USH1C: variants seen among roughly 807,000 people sequenced by gnomAD.
USH1C encodes USH1 protein network component harmonin, also known as harmonin.
USH1C carries 90 observed loss-of-function variants against 119.3 expected under a neutral mutation model. The observed-to-expected ratio is 0.75, with a 90% CI of 0.64 to 0.90. The LOEUF is 0.90. USH1C is among the 40% of genes least tolerant of loss of function. The probability of loss-of-function intolerance (pLI) is 0.00; values close to 1 mark genes in which losing one functional copy is unlikely to be tolerated. For missense variants in USH1C, 1,165 were observed against 1,167.7 expected (o/e 1.00, Z 0.03); for synonymous variants, 465 against 443.3 (o/e 1.05, Z -0.62).
intron 22 of USH1C, 134 bp downstream of exon 22, chr11:17,501,348 G>C (rs1450093618): frequency 8.6e-7 from 1 of 1,165,458 alleles, no homozygotes; most frequent in Non-Finnish European, 1.2e-6. Flanking sequence ...GGGCGTCTCC[G>C]TGGGAGAGGG....
intron 9 of USH1C, 23 bp downstream of exon 9, chr11:17,524,428 G>A: frequency 6.4e-7 from 1 of 1,560,096 alleles, no homozygotes; most frequent in Non-Finnish European, 8.7e-7. Flanking sequence ...GGCCCCCACT[G>A]GGGCCGGCCC....
intron 25 of USH1C, 95 bp from the exon 26 acceptor site, chr11:17,495,772 C>G: frequency 7.5e-7 from 1 of 1,341,418 alleles, no homozygotes; most frequent in Non-Finnish European, 1.1e-6. Context: ...GCTCCTGCCT[C>G]GGGTTCTGCC....
intron 23 of USH1C, among the ~76,000 whole-genome samples, chr11:17,499,288 A>G (rs1270177410): frequency 6.6e-6 from 1 of 152,220 alleles, no homozygotes. Context: ...TATGATACTG[A>G]CAATGGTGGC....
chr11:17,523,259 A>T lies in USH1C; in HGVS notation c.828T>A (p.Asn276Lys). The change falls in exon 11 of 27, where the codon AAT (asparagine) becomes AAA (lysine). Residue 276 changes from asparagine to lysine, a missense_variant. Transcript: ENST00000005226. The stretch of plus-strand genomic sequence containing the variant: ...TCAGGCTGCGGCTACTCTTCAGCAC[A>T]TTTACAGCCTGTGGGGACAGAAGGA... ...FSNLDHKEAV[N>K]VLKSSRSLTI... The T allele has an allele frequency of 6.2e-7, 1 of 1,614,158 alleles. No homozygotes were observed. Among genetic ancestry groups the T allele is most frequent in the Non-Finnish European group, 8.5e-7 (1 of 1,180,026 alleles).
At position 17,526,539 on chromosome 11, in the gene USH1C, C is replaced by G; in HGVS notation, c.580-98G>C. 5 of 1,204,844 alleles carry G rather than the reference C, an allele frequency of 4.1e-6. No homozygotes were observed. The South Asian group carries it at 6.4e-5, about 15-fold the overall frequency. The allele number at this position is 1,204,844 out of a possible 1,614,324, so 74.6% of individuals were successfully genotyped here. A position where few individuals can be genotyped will look rare whatever the true frequency, so the allele number is the denominator to read the frequency against. On this transcript the variant is annotated intron_variant, in intron 7 of 26. Coordinates refer to ENST00000005226, the MANE Select transcript of USH1C (RefSeq NM_153676.4). ...TGCAGGGCGAGCACTGCTGAACTCA[C>G]GCCAGCCAGATCATCATTCCGTCCC...
intron 2 of USH1C, among the ~76,000 whole-genome samples, chr11:17,532,169 C>G (rs1300589786): frequency 6.6e-6 from 1 of 152,342 alleles, no homozygotes; most frequent in East Asian, 1.9e-4. Flanking sequence ...CGTGCCCTCC[C>G]AAGTCCTACT....
intron 18 of USH1C, 92 bp downstream of exon 18, chr11:17,509,264 C>T (rs1487283457): frequency 6.8e-7 from 1 of 1,469,746 alleles, no homozygotes; most frequent in Middle Eastern, 1.8e-4. Context: ...TTCTTTCTGT[C>T]TCCACTCTCA....
intron 26 of USH1C, 138 bp downstream of exon 26, chr11:17,495,431 C>T: frequency 1.1e-6 from 1 of 903,026 alleles, no homozygotes; most frequent in Non-Finnish European, 1.9e-6. Context: ...AACAGCAGGC[C>T]CCAGGCAGCA....
At chr11:17,509,305 T>G in intron 18 of USH1C, 51 bp downstream of exon 18, 1 of 1,518,716 alleles carries the variant, frequency 6.6e-7, no homozygotes. Flanking sequence ...AAACAGCAGT[T>G]CTCCCCACTC....
intron 18 of USH1C, among the ~76,000 whole-genome samples, chr11:17,507,344 TG>T (rs1849691206): frequency 6.6e-6 from 1 of 152,192 alleles, no homozygotes; most frequent in Non-Finnish European, 1.5e-5. Flanking sequence ...CTCCTTGTGT[TG>T]GGGGGCTTTT....
Position 17,533,488 on chromosome 11 carries a change from T to A in USH1C, c.37-166A>T, listed in dbSNP as rs1017240337. The stretch of plus-strand genomic sequence containing the variant: ...GGCCAGGCTGCCCCTCTGACCCCAA[T>A]GCATCAGACCTATGCAGACCACCCC... On this transcript the variant is annotated intron_variant, in intron 1 of 26. Coordinates refer to ENST00000005226, the MANE Select transcript of USH1C (RefSeq NM_153676.4). The A allele has an allele frequency of 5.8e-6, 4 of 687,136 alleles. No homozygotes were observed. The Admixed American group carries it at 6.1e-5, about 10-fold the overall frequency. The allele number at this position is 687,136 out of a possible 1,614,324, so 42.6% of individuals were successfully genotyped here.
chr11:17,541,127 G>A (rs1028903090), intron 1 of USH1C, among the ~76,000 whole-genome samples: 3 of 152,152 alleles, frequency 2.0e-5, no homozygotes, highest in African/African-American at 7.2e-5. Flanking sequence ...CTAGGTCTCT[G>A]CTCAGATGTC....
intron 14 of USH1C, among the ~76,000 whole-genome samples, chr11:17,518,326 C>A (rs530753553): frequency 6.6e-6 from 1 of 152,272 alleles, no homozygotes; most frequent in South Asian, 2.1e-4. Flanking sequence ...ACTTCCAAAT[C>A]GTGGGGTCTC....
chr11:17,500,207 G>A lies in USH1C; in HGVS notation c.2380+844C>T, dbSNP rs186351702. On this transcript the variant is annotated intron_variant, in intron 23 of 26. Transcript: ENST00000005226. ...GGCAAAATGAGAAGAGAGACACAGG[G>A]TATGGGGGCCTCTGGCCCTCTGGGA... Among the ~76,000 whole-genome samples, 403 of 152,332 alleles carry A rather than the reference G, an allele frequency of 2.6e-3. 2 individuals are homozygous for A. The highest frequency in any genetic ancestry group is 8.9e-3 in the African/African-American group (369 of 41,564).
At chr11:17,496,069 A>G (rs1394697374) in intron 25 of USH1C, among the ~76,000 whole-genome samples, 1 of 152,098 alleles carries the variant, frequency 6.6e-6, no homozygotes, top group African/African-American at 2.4e-5. Flanking sequence ...GGACTCAGAG[A>G]CAGGGATGAA....
At chr11:17,500,879 C>T (rs779083487) in intron 23 of USH1C, among the ~76,000 whole-genome samples, 172 bp downstream of exon 23, 18 of 152,202 alleles carry the variant, frequency 1.2e-4, no homozygotes, top group Non-Finnish European at 2.5e-4. Flanking sequence ...GGTCCCGGCG[C>T]CATCCCATGC....
intron 8 of USH1C, 97 bp downstream of exon 8, chr11:17,526,250 A>G (rs1299317977): frequency 1.9e-6 from 2 of 1,029,312 alleles, no homozygotes; most frequent in Non-Finnish European, 3.0e-6. Context: ...CTGGTGGGCA[A>G]GGTTTCCTCG....
intron 1 of USH1C, among the ~76,000 whole-genome samples, chr11:17,535,523 G>A (rs980075494): frequency 4.6e-5 from 7 of 152,148 alleles, no homozygotes; most frequent in South Asian, 4.2e-4. Context: ...TGTCACCTTC[G>A]CTGGACAGAA....
intron 22 of USH1C, 54 bp from the exon 23 acceptor site, chr11:17,501,204 A>G: frequency 7.1e-7 from 1 of 1,412,718 alleles, no homozygotes; most frequent in Non-Finnish European, 9.9e-7. Flanking sequence ...GCCTGTGGAC[A>G]CCTGGGCACC....
Sources: gnomAD v4.1 joint callset for allele counts (sites outside exome capture counted in the v4.1 genomes callset) on GRCh38, gnomAD v4.1.1 for gene constraint, MANE v1.5 for transcripts, NCBI Gene and HGNC (gene_info 2026-07-23, HGNC 2026-07-21) for gene names.